Variants in NAV2 observed in about 807,000 individuals in gnomAD.
The protein encoded by NAV2 is helicase, APC down-regulated 1.
A neutral mutation model predicts 223.2 loss-of-function variants in NAV2; 54 were observed. The observed-to-expected ratio is 0.24, with a 90% CI of 0.19 to 0.30. The LOEUF is 0.30. NAV2 is among the 10% of genes least tolerant of loss of function. The pLI, the probability that NAV2 is intolerant of heterozygous loss-of-function variation, is 1.00. For missense variants in NAV2, 2,806 were observed against 3,147.5 expected (o/e 0.89, Z 2.60); for synonymous variants, 1,279 against 1,239.3 (o/e 1.03, Z -0.67).
At chr11:19,732,415 A>T (rs2051877794) in intron 1 of NAV2, among the ~76,000 whole-genome samples, 1 of 152,216 alleles carries the variant, frequency 6.6e-6, no homozygotes, top group South Asian at 2.1e-4. Context: ...AAAGGATGAA[A>T]AGTAGACCAT....
intron 20 of NAV2, among the ~76,000 whole-genome samples, 174 bp downstream of exon 20, chr11:20,062,533 A>C (rs1166115233): frequency 2.6e-5 from 4 of 152,256 alleles, no homozygotes; most frequent in Admixed American, 2.6e-4. Flanking sequence ...ATTATATTAT[A>C]CCAACCCCAA....
intron 1 of NAV2, among the ~76,000 whole-genome samples, chr11:19,497,151 C>T (rs1168791273): frequency 2.0e-5 from 3 of 152,314 alleles, no homozygotes; most frequent in South Asian, 2.1e-4. Flanking sequence ...GGCTGTTTTA[C>T]TTTGAGCAAG....
chr11:19,626,754 C>T (rs1404317002), intron 1 of NAV2, among the ~76,000 whole-genome samples: 1 of 152,114 alleles, frequency 6.6e-6, no homozygotes, highest in African/African-American at 2.4e-5. Context: ...CTTCTGTTAA[C>T]TTTATTCCTA....
chr11:19,409,137 C>A (rs554025533), intron 1 of NAV2, among the ~76,000 whole-genome samples: 16 of 152,190 alleles, frequency 1.1e-4, no homozygotes, highest in African/African-American at 3.6e-4. Flanking sequence ...CCTTGGTGAG[C>A]AAATCATTGG....
At chr11:20,110,528 G>A (rs1368855679) in intron 36 of NAV2, among the ~76,000 whole-genome samples, 5 of 152,100 alleles carry the variant, frequency 3.3e-5, no homozygotes, top group African/African-American at 7.2e-5. Flanking sequence ...TTCTTGCCCC[G>A]TACCATGTCC....
chr11:19,798,090 A>G (rs1349128478), intron 1 of NAV2, among the ~76,000 whole-genome samples: 1 of 152,188 alleles, frequency 6.6e-6, no homozygotes, highest in Non-Finnish European at 1.5e-5. Flanking sequence ...CACACATTCC[A>G]GACCCACCCA....
At chr11:19,409,421 G>T (rs1330715357) in intron 1 of NAV2, among the ~76,000 whole-genome samples, 1 of 152,094 alleles carries the variant, frequency 6.6e-6, no homozygotes, top group Non-Finnish European at 1.5e-5. Context: ...ACTCAGCCTT[G>T]CTCTTGGGTG....
chr11:19,877,095 G>A (rs1412371458), intron 4 of NAV2, among the ~76,000 whole-genome samples: 1 of 151,928 alleles, frequency 6.6e-6, no homozygotes, highest in East Asian at 1.9e-4. Flanking sequence ...ACCCTGAGTC[G>A]GAAAACCTAG....
chr11:19,908,414 C>T (rs1294000463), intron 6 of NAV2, among the ~76,000 whole-genome samples: 2 of 152,146 alleles, frequency 1.3e-5, no homozygotes, highest in East Asian at 3.9e-4. Flanking sequence ...ACTGGTAACT[C>T]TCCAGCACCA....
chr11:19,767,498 T>A (rs1345455074), intron 1 of NAV2, among the ~76,000 whole-genome samples: 1 of 152,234 alleles, frequency 6.6e-6, no homozygotes, highest in Non-Finnish European at 1.5e-5. Context: ...AATGAGAGAA[T>A]AATGAAAGTC....
At chr11:19,875,259 T>G (rs2062767495) in intron 4 of NAV2, among the ~76,000 whole-genome samples, 1 of 152,188 alleles carries the variant, frequency 6.6e-6, no homozygotes, top group Non-Finnish European at 1.5e-5. Flanking sequence ...ATAAATGCAT[T>G]TAATACATCT....
intron 1 of NAV2, among the ~76,000 whole-genome samples, chr11:19,486,024 C>T (rs1217568956): frequency 6.6e-6 from 1 of 152,256 alleles, no homozygotes; most frequent in Admixed American, 6.5e-5. Context: ...TTGGCACTGC[C>T]CTTGAGGTTT....
chr11:19,493,918 T>C (rs1216255141), intron 1 of NAV2, among the ~76,000 whole-genome samples: 1 of 152,232 alleles, frequency 6.6e-6, no homozygotes, highest in Admixed American at 6.5e-5. Flanking sequence ...GACCAATAGC[T>C]GCCTATGCTT....
upstream of NAV2, among the ~76,000 whole-genome samples, chr11:19,347,715 C>T (rs1405563228): frequency 6.6e-6 from 1 of 152,184 alleles, no homozygotes; most frequent in Non-Finnish European, 1.5e-5. Context: ...AGCTGCTGAT[C>T]CATTGCTGCA....
chr11:19,526,471 TC>T (rs1361819151), intron 1 of NAV2, among the ~76,000 whole-genome samples: 1 of 152,088 alleles, frequency 6.6e-6, no homozygotes. Flanking sequence ...CAGCCTTGTC[TC>T]GGGGGAATGA....
intron 1 of NAV2, among the ~76,000 whole-genome samples, chr11:19,359,738 G>A (rs77945205): frequency 0.015 from 2,355 of 152,294 alleles, 57 homozygotes; most frequent in African/African-American, 0.054. Context: ...TGAGCAAGGA[G>A]ACGCTAATTA....
At chr11:20,073,718 T>C (rs1300154166) in intron 22 of NAV2, among the ~76,000 whole-genome samples, 1 of 152,162 alleles carries the variant, frequency 6.6e-6, no homozygotes, top group African/African-American at 2.4e-5. Flanking sequence ...CTAGTTTGCT[T>C]ACGTAGAGCT....
At chr11:19,616,304 CTGTG>C (rs113035353) in intron 1 of NAV2, among the ~76,000 whole-genome samples, 59 of 140,704 alleles carry the variant, frequency 4.2e-4, no homozygotes, top group African/African-American at 1.4e-3. Context: ...TTGCTTCTGA[CTGTG>C]TGTGTGTGTG....
chr11:19,856,762 C>T (rs1171700227), intron 3 of NAV2, among the ~76,000 whole-genome samples: 1 of 150,774 alleles, frequency 6.6e-6, no homozygotes, highest in Non-Finnish European at 1.5e-5. Context: ...TAGCCATCAT[C>T]AGAGTAGGTG....
Sources: allele counts gnomAD v4.1 joint callset (sites outside exome capture counted in the v4.1 genomes callset), GRCh38; gene constraint gnomAD v4.1.1; transcripts MANE v1.5; gene names NCBI Gene and HGNC (gene_info 2026-07-23, HGNC 2026-07-21).